GALNT17: variants seen among roughly 807,000 people sequenced by gnomAD.
The protein encoded by GALNT17 is polypeptide N-acetylgalactosaminyltransferase 17, also known as UDP-GalNAc:polypeptide N-acetylgalactosaminyltransferase-like 3.
In GALNT17, 29 loss-of-function variants were observed where a neutral mutation model predicts 63.7. The observed-to-expected ratio is 0.46, with a 90% CI of 0.34 to 0.62. GALNT17 has a LOEUF of 0.62. Among genes scored for constraint, GALNT17 ranks in the 20% least tolerant of loss-of-function variants. The pLI is 0.01. For missense variants in GALNT17, 603 were observed against 799.6 expected, an observed-to-expected ratio of 0.75 and a Z score of 2.97; for synonymous variants, 305 against 318.3, an observed-to-expected ratio of 0.96 and a Z score of 0.45.
chr7:71,354,348 T>G (rs1398574382), intron 2 of GALNT17, among the ~76,000 whole-genome samples: 1 of 152,200 alleles, frequency 6.6e-6, no homozygotes, highest in Non-Finnish European at 1.5e-5. Context: ...AGTAAGATGC[T>G]ATCTCTATGG....
At chr7:71,565,181 C>T (rs1277485532) in intron 5 of GALNT17, among the ~76,000 whole-genome samples, 4 of 151,946 alleles carry the variant, frequency 2.6e-5, no homozygotes, top group Non-Finnish European at 2.9e-5. Flanking sequence ...GCAGGAGAAT[C>T]GCTTGAACCC....
intron 1 of GALNT17, among the ~76,000 whole-genome samples, chr7:71,201,752 C>T (rs1416655611): frequency 6.6e-6 from 1 of 151,992 alleles, no homozygotes; most frequent in Admixed American, 6.6e-5. Context: ...CTCCCTCACC[C>T]TTCCGAGTCG....
intron 3 of GALNT17, among the ~76,000 whole-genome samples, chr7:71,409,549 G>T (rs1053297425): frequency 2.6e-5 from 4 of 152,170 alleles, no homozygotes. Flanking sequence ...CTGTGTGAGG[G>T]TTGAGAGGTC....
At chr7:71,207,924 T>G (rs1055303128) in intron 1 of GALNT17, among the ~76,000 whole-genome samples, 5 of 151,852 alleles carry the variant, frequency 3.3e-5, no homozygotes, top group African/African-American at 9.7e-5. Flanking sequence ...TGCCTGTAAT[T>G]TTTTTTCTTT....
intron 1 of GALNT17, among the ~76,000 whole-genome samples, chr7:71,245,626 A>T (rs1318198886): frequency 6.6e-6 from 1 of 152,144 alleles, no homozygotes; most frequent in Non-Finnish European, 1.5e-5. Flanking sequence ...CGCCCTGTGG[A>T]CACTGGGGAC....
chr7:71,225,626 G>A (rs922229583), intron 1 of GALNT17, among the ~76,000 whole-genome samples: 1 of 152,204 alleles, frequency 6.6e-6, no homozygotes. Flanking sequence ...TCCAGTGGAT[G>A]ACGTAACTTG....
chr7:71,694,805 C>G (rs1256247767), intron 9 of GALNT17, among the ~76,000 whole-genome samples: 1 of 152,158 alleles, frequency 6.6e-6, no homozygotes, highest in Non-Finnish European at 1.5e-5. Context: ...AAGCAGGCCC[C>G]AGAGTCCAAG....
chr7:71,168,571 CA>C (rs890363111), intron 1 of GALNT17, among the ~76,000 whole-genome samples: 15 of 145,278 alleles, frequency 1.0e-4, no homozygotes, highest in South Asian at 2.2e-4. Flanking sequence ...GACTCTATAT[CA>C]AAAAAAAAAG....
chr7:71,701,071 A>G (rs933760246), intron 9 of GALNT17, among the ~76,000 whole-genome samples: 1 of 152,214 alleles, frequency 6.6e-6, no homozygotes, highest in African/African-American at 2.4e-5. Context: ...GTAGGTAAGG[A>G]AAATAGATGG....
intron 2 of GALNT17, among the ~76,000 whole-genome samples, chr7:71,350,323 T>C (rs1792167692): frequency 6.6e-6 from 1 of 152,076 alleles, no homozygotes; most frequent in Non-Finnish European, 1.5e-5. Flanking sequence ...GGCACTATGT[T>C]GGAGGTTGAG....
intron 1 of GALNT17, among the ~76,000 whole-genome samples, chr7:71,329,940 T>C (rs59343761): frequency 1.8e-4 from 5 of 28,050 alleles, no homozygotes; most frequent in Non-Finnish European, 2.7e-4. Context: ...TGTATATATA[T>C]ACACACATAT....
At chr7:71,261,034 A>C (rs2115624745) in intron 1 of GALNT17, among the ~76,000 whole-genome samples, 1 of 152,346 alleles carries the variant, frequency 6.6e-6, no homozygotes, top group African/African-American at 2.4e-5. Flanking sequence ...CTGACTTCGC[A>C]GTGCAGGGAT....
At chr7:71,489,937 T>TCTTTTGAGA (rs1278867766) in intron 5 of GALNT17, among the ~76,000 whole-genome samples, 1 of 152,096 alleles carries the variant, frequency 6.6e-6, no homozygotes, top group Non-Finnish European at 1.5e-5. Context: ...GGCGGGAGGA[T>TCTTTTGAGA]CTTTTGAGAC....
At chr7:71,305,226 A>C (rs202085623) in intron 1 of GALNT17, among the ~76,000 whole-genome samples, 1 of 53,920 alleles carries the variant, frequency 1.9e-5, no homozygotes, top group African/African-American at 8.8e-5. Flanking sequence ...CTTTGAGCAC[A>C]TGTTAATTTT....
intron 1 of GALNT17, among the ~76,000 whole-genome samples, chr7:71,244,420 G>A (rs1328956735): frequency 1.3e-5 from 2 of 152,204 alleles, no homozygotes; most frequent in African/African-American, 4.8e-5. Flanking sequence ...AAGAGAGCCT[G>A]ATGGTCAGGA....
chr7:71,515,221 G>A (rs1788426483), intron 5 of GALNT17, among the ~76,000 whole-genome samples: 1 of 152,180 alleles, frequency 6.6e-6, no homozygotes, highest in African/African-American at 2.4e-5. Context: ...GATACAAAGA[G>A]AGAGAAATGC....
At chr7:71,293,612 T>A (rs997743185) in intron 1 of GALNT17, among the ~76,000 whole-genome samples, 2 of 152,286 alleles carry the variant, frequency 1.3e-5, no homozygotes, top group African/African-American at 2.4e-5. Flanking sequence ...GATAAACATT[T>A]CTTGAAAGGC....
intron 1 of GALNT17, among the ~76,000 whole-genome samples, chr7:71,333,849 C>T (rs1184297332): frequency 6.6e-6 from 1 of 152,148 alleles, no homozygotes; most frequent in Non-Finnish European, 1.5e-5. Flanking sequence ...GACAACTGTA[C>T]ATTCCCACTA....
At chr7:71,601,411 A>G (rs1789965434) in intron 6 of GALNT17, among the ~76,000 whole-genome samples, 1 of 152,030 alleles carries the variant, frequency 6.6e-6, no homozygotes, top group Non-Finnish European at 1.5e-5. Flanking sequence ...GTGATTTGGT[A>G]TAATGGATTA....
Sources: allele counts gnomAD v4.1 joint callset (sites outside exome capture counted in the v4.1 genomes callset), GRCh38; gene constraint gnomAD v4.1.1; transcripts MANE v1.5; gene names NCBI Gene and HGNC (gene_info 2026-07-23, HGNC 2026-07-21).